The following BCAR1 variants were observed in gnomAD, a reference collection of about 807,000 sequenced individuals.
BCAR1 encodes breast cancer anti-estrogen resistance protein 1.
Under a neutral mutation model 67.6 loss-of-function variants are expected in BCAR1, and 30 were observed. The ratio of observed to expected loss-of-function variants is 0.44; its 90% CI spans 0.33 to 0.60. The LOEUF is 0.60. BCAR1 is among the 20% of genes least tolerant of loss of function. The probability of loss-of-function intolerance (pLI) is 0.02; values close to 1 mark genes in which losing one functional copy is unlikely to be tolerated. For synonymous variants in BCAR1, 626 were observed against 556.7 expected (o/e 1.12, Z -1.75); for missense variants, 1,313 against 1,222.3 (o/e 1.07, Z -1.11).
At chr16:75,237,666 G>A (rs1264433170) in intron 2 of BCAR1, among the ~76,000 whole-genome samples, 2 of 152,222 alleles carry the variant, frequency 1.3e-5, no homozygotes, top group Non-Finnish European at 2.9e-5. Context: ...CCGGTGGGGT[G>A]AGGGGCTGAG....
chr16:75,249,996 G>A (rs2077627420), intron 1 of BCAR1: 1 of 152,292 alleles, frequency 6.6e-6, no homozygotes, highest in South Asian at 2.1e-4. Flanking sequence ...AGGGGTTTGA[G>A]GAGCTGTCTC....
chr16:75,266,023 C>CGCCGCGCATGCGCCGCCCGCGCCG (rs1567629104), intron 1 of BCAR1: 1 of 1,020,668 alleles, frequency 9.8e-7, no homozygotes, highest in Non-Finnish European at 1.2e-6. Context: ...GCCCGCGCCG[C>CGCCGCGCATGCGCCGCCCGCGCCG]CCCCCCCACC....
chr16:75,263,102 C>T (rs2151483401), intron 1 of BCAR1: 1 of 703,506 alleles, frequency 1.4e-6, no homozygotes, highest in African/African-American at 1.9e-5. Flanking sequence ...GTGCCCAGCA[C>T]ACAGGGCGGC....
At chr16:75,254,389 C>A (rs572298239), upstream of BCAR1, among the ~76,000 whole-genome samples, 69 of 152,306 alleles carry the variant, frequency 4.5e-4, 1 homozygote, top group Non-Finnish European at 1.0e-4. Flanking sequence ...CCACCCCCAC[C>A]CCACTAAGTT....
chr16:75,229,686 G>A lies in BCAR1; in HGVS notation c.2438C>T (p.Thr813Ile). 1.2e-6 allele frequency: 2 copies of A among 1,612,888 alleles called. No individual in the cohort carries two copies. Among genetic ancestry groups the A allele is most frequent in the Non-Finnish European group, 1.7e-6 (2 of 1,179,924 alleles). ...GTCGCACAGCAGGTTGCTGTAGTGGGTCACCTGGCTGCGCACGTCAGCAGC... is the reference window on the plus strand; with the variant it reads ...GTCGCACAGCAGGTTGCTGTAGTGGATCACCTGGCTGCGCACGTCAGCAGC... ...AKAADVRSQV[T>I]HYSNLLCDLL... The change falls in exon 7 of 7, where the codon ACC becomes ATC. Residue 813 changes from threonine to isoleucine, a missense_variant. Around this residue, in one of 2 missense-constraint regions of BCAR1, gnomAD observed 1,272 missense variants for 1,137.5 expected, o/e 1.12. Transcript: ENST00000162330.
At position 75,251,477 on chromosome 16, in the gene BCAR1, G is replaced by A; in HGVS notation, c.6C>T (p.Asn2=). 7.0e-7 allele frequency: 1 copy of A among 1,418,562 alleles called. No homozygotes were observed. Among genetic ancestry groups the A allele is most frequent in the East Asian group, 3.1e-5 (1 of 32,308 alleles). The allele number at this position is 1,418,562 out of a possible 1,614,324, so 87.9% of individuals were successfully genotyped here. A position where few individuals can be genotyped will look rare whatever the true frequency, so the allele number is the denominator to read the frequency against. M[N]HLNVLAKALY... ...CCCCACCTGGCGCCCTCACCAGGTG[G>A]TTCATGGTGTCCGGCGGGCCTGGGG... The change falls in exon 1 of 7, where the codon AAC becomes AAT. Residue 2 remains asparagine, a synonymous_variant. Transcript: ENST00000162330.
At chr16:75,267,455 T>A (rs1162783774) in intron 1 of BCAR1, among the ~76,000 whole-genome samples, 2 of 151,530 alleles carry the variant, frequency 1.3e-5, no homozygotes, top group East Asian at 3.9e-4. Context: ...GCTCTGTGCA[T>A]GTCTGGCACG....
intron 1 of BCAR1, chr16:75,265,324 G>A (rs914760990): frequency 1.3e-5 from 2 of 152,430 alleles, no homozygotes; most frequent in South Asian, 2.1e-4. Flanking sequence ...TGGCCACCCC[G>A]GGGGAGTCCC....
At chr16:75,248,237 CT>C in intron 1 of BCAR1, 1 of 1,517,714 alleles carries the variant, frequency 6.6e-7, no homozygotes. Flanking sequence ...TGTCACAGGC[CT>C]TTCCCACCCC....
chr16:75,240,731 A>G (rs973225456), intron 2 of BCAR1, among the ~76,000 whole-genome samples: 6 of 152,228 alleles, frequency 3.9e-5, no homozygotes, highest in Non-Finnish European at 7.3e-5. Context: ...GGGGGAGAGC[A>G]GCCAGGCCCA....
intron 1 of BCAR1, chr16:75,247,798 T>C (rs2077563502): frequency 1.9e-6 from 1 of 529,706 alleles, no homozygotes; most frequent in Non-Finnish European, 3.4e-6. Flanking sequence ...GCCTGCACCC[T>C]TTCACCCAGC....
intron 1 of BCAR1, among the ~76,000 whole-genome samples, chr16:75,259,007 C>T (rs1377950269): frequency 2.0e-5 from 3 of 152,344 alleles, no homozygotes; most frequent in African/African-American, 4.8e-5. Flanking sequence ...CATCCTCTCC[C>T]GCCTCCTGCT....
chr16:75,235,547 C>A lies in BCAR1; in HGVS notation c.1352G>T (p.Arg451Leu). 1 of 1,593,516 alleles carries A rather than the reference C, an allele frequency of 6.3e-7. No individual in the cohort carries two copies. Among genetic ancestry groups the A allele is most frequent in the Non-Finnish European group, 8.5e-7 (1 of 1,170,730 alleles). ...ASSLEVAGPGREPLELEVAVE... is the reference protein window; with the variant it reads ...ASSLEVAGPGLEPLELEVAVE... ...AGCAACTTCCAGCTCCAGGGGTTCC[C>A]GGCCCGGCCCTGCCACCTCCAAGGA... Residue 451 changes from arginine to leucine, a missense_variant, in exon 5 of 7, where the codon CGG (arginine) becomes CTG (leucine). Arg to Leu is a moderately radical substitution (Grantham distance 102, BLOSUM62 -2). Transcript: ENST00000162330.
chr16:75,229,201 C>T lies in BCAR1; in HGVS notation c.*310G>A, dbSNP rs544438819. 2.6e-4 allele frequency: 83 copies of T among 323,814 alleles called. No individual in the cohort carries two copies. The highest frequency in any genetic ancestry group is 1.3e-3 in the South Asian group (14 of 10,606). The allele number at this position is 323,814 out of a possible 1,614,324, so 20.1% of individuals were successfully genotyped here. On this transcript the variant is annotated 3_prime_UTR_variant, in exon 7 of 7. Transcript: ENST00000162330. Reference sequence around the variant, plus strand: ...CCCTCGTGGGACCAGGCTCAGCCCTCGGGGTGGCACGAGGTCCTGCAGGCT... The same window carrying T: ...CCCTCGTGGGACCAGGCTCAGCCCTTGGGGTGGCACGAGGTCCTGCAGGCT...
chr16:75,263,653 A>G (rs2077950817), intron 1 of BCAR1: 1 of 985,214 alleles, frequency 1.0e-6, no homozygotes, highest in African/African-American at 1.7e-5. Context: ...TTCCCCTCCC[A>G]TCCCCTTCTG....
At position 75,235,806 on chromosome 16, in the gene BCAR1, G is replaced by A; in HGVS notation, c.1093C>T (p.Pro365Ser). Residue 365 changes from proline (P) to serine (S), a missense_variant, in exon 5 of 7, where the codon CCG becomes TCG. Coordinates refer to ENST00000162330, the MANE Select transcript of BCAR1 (RefSeq NM_014567.5). ...SPPAEDVYDV[P>S]PPAPDLYDVP... Reference sequence around the variant, plus strand: ...TCGTAGAGGTCAGGAGCCGGGGGCGGCACGTCATACACGTCCTCGGCCGGC... The same window carrying A: ...TCGTAGAGGTCAGGAGCCGGGGGCGACACGTCATACACGTCCTCGGCCGGC... 1 of 1,591,278 alleles carries A rather than the reference G, an allele frequency of 6.3e-7. No homozygotes were observed. Among genetic ancestry groups the A allele is most frequent in the Admixed American group, 1.7e-5 (1 of 57,718 alleles).
At chr16:75,248,702 G>T (rs1015796621) in intron 1 of BCAR1, 7 of 154,878 alleles carry the variant, frequency 4.5e-5, no homozygotes, top group African/African-American at 1.7e-4. Flanking sequence ...GCCTGTGCAC[G>T]GGGCCCACGT....
Position 75,229,250 on chromosome 16 carries a change from C to T in BCAR1, c.*261G>A, listed in dbSNP as rs192598389. 19 of 491,698 alleles carry T rather than the reference C, an allele frequency of 3.9e-5. No individual in the cohort carries two copies. The highest frequency in any genetic ancestry group is 2.6e-4 in the Admixed American group (7 of 26,440). The allele number at this position is 491,698 out of a possible 1,614,324, so 30.5% of individuals were successfully genotyped here. A position where few individuals can be genotyped will look rare whatever the true frequency, so the allele number is the denominator to read the frequency against. ...CTGCAGGACCCTCACACTCCAGCCC[C>T]GTCTGGTGACCCAACCCGGGCCCGT... On this transcript the variant is annotated 3_prime_UTR_variant, in exon 7 of 7. Coordinates refer to ENST00000162330, the MANE Select transcript of BCAR1 (RefSeq NM_014567.5).
At chr16:75,251,692 G>A (rs1452488744), upstream of BCAR1, 2 of 992,242 alleles carry the variant, frequency 2.0e-6, no homozygotes, top group Non-Finnish European at 2.4e-6. Context: ...GGCCGCGCGC[G>A]CCCATTGGCC....
Sources: allele counts gnomAD v4.1 joint callset (sites outside exome capture counted in the v4.1 genomes callset), GRCh38; gene constraint gnomAD v4.1.1; regional missense constraint gnomAD v4.1.1; transcripts MANE v1.5; gene names NCBI Gene and HGNC (gene_info 2026-07-23, HGNC 2026-07-21).